The following WDR93 variants were observed in gnomAD, a reference collection of about 807,000 sequenced individuals.
WDR93 encodes WD repeat domain 93, also known as WD repeat-containing protein 93.
In WDR93, 73 loss-of-function variants were observed where a neutral mutation model predicts 82.9. The observed-to-expected ratio is 0.88, with a 90% confidence interval of 0.73 to 1.07. The LOEUF (loss-of-function observed/expected upper bound fraction) is 1.07, where lower values mean the gene tolerates loss of function less well. Among genes scored for constraint, WDR93 ranks in the 50% least tolerant of loss-of-function variants. The probability of loss-of-function intolerance (pLI) is 0.00; values close to 1 mark genes in which losing one functional copy is unlikely to be tolerated. For missense variants in WDR93, 738 were observed against 826.0 expected (o/e 0.89, Z 1.31); for synonymous variants, 283 against 300.1 (o/e 0.94, Z 0.59).
intron 8 of WDR93, among the ~76,000 whole-genome samples, chr15:89,726,280 G>A (rs1180142114): frequency 6.6e-6 from 1 of 152,198 alleles, no homozygotes. Context: ...AGATTGCTGG[G>A]CCCCACCACA....
At chr15:89,699,044 T>C (rs754457443) in intron 1 of WDR93, among the ~76,000 whole-genome samples, 1 of 152,068 alleles carries the variant, frequency 6.6e-6, no homozygotes, top group Non-Finnish European at 1.5e-5. Context: ...ATTTTTTTTA[T>C]AGAATAAAGG....
chr15:89,736,304 G>A (rs1017455022), intron 14 of WDR93, among the ~76,000 whole-genome samples: 2 of 152,212 alleles, frequency 1.3e-5, no homozygotes, highest in Non-Finnish European at 2.9e-5. Context: ...GGCCTGGAGA[G>A]AAAGTCTGTG....
At chr15:89,727,734 T>C (rs921273327) in intron 9 of WDR93, among the ~76,000 whole-genome samples, 10 of 152,350 alleles carry the variant, frequency 6.6e-5, no homozygotes, top group African/African-American at 1.9e-4. Flanking sequence ...TTCAGTTTTA[T>C]ACATGACAGC....
intron 11 of WDR93, among the ~76,000 whole-genome samples, chr15:89,730,093 G>A (rs1283532821): frequency 6.6e-6 from 1 of 152,226 alleles, no homozygotes; most frequent in South Asian, 2.1e-4. Context: ...GGGAGGCCGA[G>A]GCGAGTGGAT....
chr15:89,695,265 G>A (rs1263383479), intron 1 of WDR93, among the ~76,000 whole-genome samples: 1 of 152,072 alleles, frequency 6.6e-6, no homozygotes, highest in Non-Finnish European at 1.5e-5. Flanking sequence ...TCATAAATAA[G>A]GTATCACACT....
At chr15:89,709,925 C>G (rs1029556084) in intron 4 of WDR93, among the ~76,000 whole-genome samples, 1 of 152,004 alleles carries the variant, frequency 6.6e-6, no homozygotes, top group Non-Finnish European at 1.5e-5. Context: ...CTGTGGGAGG[C>G]TGAGGCGGGC....
At chr15:89,737,330 A>AG (rs377660514) in intron 14 of WDR93, among the ~76,000 whole-genome samples, 4 of 152,202 alleles carry the variant, frequency 2.6e-5, no homozygotes, top group African/African-American at 9.6e-5. Flanking sequence ...GCTGGGAAAA[A>AG]GGGGAGGAAT....
rs749750632 is a variant in WDR93, at chr15:89,703,008, C to T, written c.362C>T (p.Ala121Val). 6.2e-7 allele frequency: 1 copy of T among 1,614,108 alleles called. No homozygotes were observed. The highest frequency in any genetic ancestry group is 8.5e-7 in the Non-Finnish European group (1 of 1,180,016). ...VSQDYVFIGGAKGFSIYNLYS... is the reference protein window; with the variant it reads ...VSQDYVFIGGVKGFSIYNLYS... ...CAAGACTATGTGTTTATTGGAGGAGCCAAAGGATTCTCAATTTATAATCTG... is the reference window on the plus strand; with the variant it reads ...CAAGACTATGTGTTTATTGGAGGAGTCAAAGGATTCTCAATTTATAATCTG... Residue 121 changes from alanine to valine, a missense_variant, in exon 3 of 17, where the codon GCC becomes GTC. Ala to Val is a moderately conservative substitution (Grantham distance 64). Coordinates refer to ENST00000268130, the MANE Select transcript of WDR93 (RefSeq NM_020212.2).
intron 1 of WDR93, among the ~76,000 whole-genome samples, chr15:89,691,079 C>T (rs1276279947): frequency 6.6e-6 from 1 of 152,138 alleles, no homozygotes; most frequent in Non-Finnish European, 1.5e-5. Context: ...TGAGCTCTTG[C>T]TTGGGACGGT....
chr15:89,736,346 G>A (rs1967171270), intron 14 of WDR93, among the ~76,000 whole-genome samples: 1 of 152,132 alleles, frequency 6.6e-6, no homozygotes, highest in Non-Finnish European at 1.5e-5. Context: ...AGGGTGAGGG[G>A]CCTACAGGAC....
At chr15:89,737,770 CCTGA>C (rs763487938) in intron 15 of WDR93, 41 bp downstream of exon 15, 2 of 1,611,720 alleles carry the variant, frequency 1.2e-6, no homozygotes, top group Non-Finnish European at 1.7e-6. Flanking sequence ...TGACCATTTC[CCTGA>C]CTTAGTTCTC....
Position 89,741,409 on chromosome 15 carries a change from G to T in WDR93, c.1962-1883G>T, listed in dbSNP as rs1596136800. ...CACCCAGCTAATTTTTTTATTATCTGTGGAAGCAGGGTCTCCCTATGTTGC... is the reference window on the plus strand; with the variant it reads ...CACCCAGCTAATTTTTTTATTATCTTTGGAAGCAGGGTCTCCCTATGTTGC... On this transcript the variant is annotated intron_variant, in intron 16 of 16. Coordinates refer to ENST00000268130, the MANE Select transcript of WDR93 (RefSeq NM_020212.2). 2.0e-5 allele frequency among the ~76,000 whole-genome samples: 3 copies of T among 152,052 alleles called. No individual in the cohort carries two copies. In the East Asian group the frequency reaches 5.9e-4, roughly 30 times the overall value.
upstream of WDR93, chr15:89,690,619 G>T: frequency 1.9e-6 from 3 of 1,551,416 alleles, no homozygotes; most frequent in South Asian, 1.2e-5. Context: ...GGTGAAGCGG[G>T]TGAAGGCGTC....
At chr15:89,714,838 C>T (rs1344194915) in intron 5 of WDR93, 142 bp from the exon 6 acceptor site, 1 of 634,032 alleles carries the variant, frequency 1.6e-6, no homozygotes, top group African/African-American at 1.8e-5. Flanking sequence ...AGAACTACTT[C>T]TCCTTCAGTA....
intron 1 of WDR93, among the ~76,000 whole-genome samples, chr15:89,697,972 T>G (rs1362865484): frequency 6.6e-6 from 1 of 151,120 alleles, no homozygotes; most frequent in Admixed American, 6.6e-5. Context: ...CTCCGCCTCC[T>G]GGGTTCACGC....
chr15:89,718,562 G>A (rs1567114574), intron 7 of WDR93, among the ~76,000 whole-genome samples: 1 of 152,130 alleles, frequency 6.6e-6, no homozygotes, highest in Non-Finnish European at 1.5e-5. Context: ...CTGGAGTGGA[G>A]GCTGCAGTGA....
chr15:89,727,399 C>A, intron 9 of WDR93, 71 bp downstream of exon 9: 2 of 1,525,320 alleles, frequency 1.3e-6, no homozygotes, highest in Admixed American at 1.9e-5. Flanking sequence ...ATGCAGGAAT[C>A]AACCCAGGGA....
At chr15:89,705,372 A>G in intron 3 of WDR93, 182 bp from the exon 4 acceptor site, 1 of 610,168 alleles carries the variant, frequency 1.6e-6, no homozygotes, top group Admixed American at 3.0e-5. Context: ...CAACCCGAAC[A>G]TTCAAGAGGG....
chr15:89,734,941 C>T (rs868164902), intron 13 of WDR93, among the ~76,000 whole-genome samples: 11 of 152,198 alleles, frequency 7.2e-5, no homozygotes, highest in Non-Finnish European at 1.5e-4. Context: ...AAACCATATT[C>T]TATATATTCT....
Sources: gnomAD v4.1 joint callset for allele counts (sites outside exome capture counted in the v4.1 genomes callset) on GRCh38, gnomAD v4.1.1 for gene constraint, MANE v1.5 for transcripts, NCBI Gene and HGNC (gene_info 2026-07-23, HGNC 2026-07-21) for gene names.